The following GALNT2 variants were observed in gnomAD, a reference collection of about 807,000 sequenced individuals.
GALNT2 encodes the protein polypeptide N-acetylgalactosaminyltransferase 2.
In GALNT2, 31 loss-of-function variants were observed where a neutral mutation model predicts 81.4. The ratio of observed to expected loss-of-function variants is 0.38; its 90% CI spans 0.29 to 0.51. The LOEUF (loss-of-function observed/expected upper bound fraction) is 0.51. GALNT2 is among the 20% of genes least tolerant of loss of function. The pLI is 0.87. For synonymous variants in GALNT2, 303 were observed against 287.4 expected, an observed-to-expected ratio of 1.05 and a Z score of -0.55; for missense variants, 629 against 765.7, an observed-to-expected ratio of 0.82 and a Z score of 2.11.
At chr1:230,266,022 C>T (rs1666027673) in intron 14 of GALNT2, among the ~76,000 whole-genome samples, 1 of 152,074 alleles carries the variant, frequency 6.6e-6, no homozygotes, top group South Asian at 2.1e-4. Context: ...TGAAACCCAT[C>T]TCTGCTAAAA....
At chr1:230,258,068 C>G (rs1298524991) in intron 11 of GALNT2, among the ~76,000 whole-genome samples, 1 of 152,158 alleles carries the variant, frequency 6.6e-6, no homozygotes, top group Non-Finnish European at 1.5e-5. Context: ...GCATGTGCCA[C>G]CATGCCCGGC....
intron 2 of GALNT2, among the ~76,000 whole-genome samples, chr1:230,187,632 C>T (rs959357358): frequency 6.6e-6 from 1 of 152,196 alleles, no homozygotes; most frequent in African/African-American, 2.4e-5. Context: ...CATCCACCCT[C>T]TTGGTACCTG....
At chr1:230,086,194 G>T (rs561845497) in intron 1 of GALNT2, among the ~76,000 whole-genome samples, 9 of 152,306 alleles carry the variant, frequency 5.9e-5, no homozygotes, top group Admixed American at 4.6e-4. Context: ...CGAGTTTGTA[G>T]GTAGAGAATA....
chr1:230,194,959 G>A (rs868599914), intron 2 of GALNT2, among the ~76,000 whole-genome samples: 44 of 152,338 alleles, frequency 2.9e-4, no homozygotes, highest in African/African-American at 1.0e-3. Context: ...CCAGCTCTGC[G>A]GGGAGAAGAA....
At chr1:230,134,646 A>G (rs11122378) in intron 1 of GALNT2, among the ~76,000 whole-genome samples, 21,046 of 152,114 alleles carry the variant, frequency 0.14, 1,515 homozygotes, top group South Asian at 0.23. Flanking sequence ...GTAGTGCTCA[A>G]TATTTATAAA....
chr1:230,250,390 G>T, intron 9 of GALNT2, 67 bp from the exon 10 acceptor site: 1 of 1,186,266 alleles, frequency 8.4e-7, no homozygotes, highest in Non-Finnish European at 1.2e-6. Flanking sequence ...CTTGGCGCAA[G>T]GGTGCTGGCA....
intron 1 of GALNT2, among the ~76,000 whole-genome samples, chr1:230,092,352 A>G (rs987699377): frequency 6.6e-6 from 1 of 151,180 alleles, no homozygotes; most frequent in Non-Finnish European, 1.5e-5. Flanking sequence ...TTTTGGCTTT[A>G]TAGTAGAGGG....
At chr1:230,136,532 C>G (rs1165436222) in intron 1 of GALNT2, among the ~76,000 whole-genome samples, 1 of 152,196 alleles carries the variant, frequency 6.6e-6, no homozygotes, top group African/African-American at 2.4e-5. Flanking sequence ...CTCACTGCCC[C>G]CCATCCAGAG....
intron 1 of GALNT2, among the ~76,000 whole-genome samples, chr1:230,109,416 C>T (rs151179742): frequency 4.0e-4 from 61 of 152,290 alleles, no homozygotes; most frequent in African/African-American, 1.4e-3. Context: ...CCCTGTCACA[C>T]GAACAGGTTC....
chr1:230,277,610 C>T (rs1666334817), intron 15 of GALNT2, among the ~76,000 whole-genome samples: 1 of 152,250 alleles, frequency 6.6e-6, no homozygotes. Flanking sequence ...TCTGATTGCA[C>T]TGTCTTTCCC....
At chr1:230,197,799 G>C (rs972962865) in intron 2 of GALNT2, among the ~76,000 whole-genome samples, 1 of 151,384 alleles carries the variant, frequency 6.6e-6, no homozygotes, top group Admixed American at 6.6e-5. Flanking sequence ...TGTGTGTTCT[G>C]CTGCTCCTCT....
chr1:230,228,549 T>C (rs568805559), intron 3 of GALNT2, among the ~76,000 whole-genome samples: 26 of 151,870 alleles, frequency 1.7e-4, no homozygotes, highest in African/African-American at 6.3e-4. Context: ...GGACAATGGA[T>C]TATCTACACA....
chr1:230,212,673 C>CCGTT (rs1664269405), intron 3 of GALNT2, among the ~76,000 whole-genome samples: 1 of 152,098 alleles, frequency 6.6e-6, no homozygotes, highest in South Asian at 2.1e-4. Flanking sequence ...ACGGGTCCCC[C>CCGTT]ACCAACTCAT....
rs1230265053 is a variant in GALNT2, at chr1:230,280,985, C to T, written c.*1527C>T. ...TGCTTCCTCCTCCACTCCTGGCCGC[C>T]TTCTCCAGCGCCGCACACACAGATG... On this transcript the variant is annotated 3_prime_UTR_variant, in exon 16 of 16. Transcript: ENST00000366672. The T allele has an allele frequency of 1.3e-5, 2 of 152,458 alleles. No homozygotes were observed. The highest frequency in any genetic ancestry group is 4.8e-5 in the African/African-American group (2 of 41,446). The allele number at this position is 152,458 out of a possible 1,614,324, so 9.4% of individuals were successfully genotyped here. A position where few individuals can be genotyped will look rare whatever the true frequency, so the allele number is the denominator to read the frequency against.
chr1:230,262,518 A>G, intron 11 of GALNT2, 55 bp from the exon 12 acceptor site: 1 of 1,452,374 alleles, frequency 6.9e-7, no homozygotes, highest in Admixed American at 1.7e-5. Flanking sequence ...GTGCAAATGG[A>G]GTGATGCAGA....
At position 230,139,729 on chromosome 1, in the gene GALNT2, G is replaced by A. The variant is rs971891714; in HGVS notation, c.127-38489G>A. On this transcript the variant is annotated intron_variant, in intron 1 of 15. Coordinates refer to ENST00000366672, the MANE Select transcript of GALNT2 (RefSeq NM_004481.5). ...AGCACTGCGAGCGTAATAATTTGCC[G>A]TTGCATGGACTAAGGGGTAAGGAAG... Among the ~76,000 whole-genome samples, 11 of 152,342 alleles carry A rather than the reference G, an allele frequency of 7.2e-5. No homozygotes were observed. In the East Asian group the frequency reaches 9.6e-4, roughly 13 times the overall value.
At chr1:230,267,920 C>T (rs1250298896) in intron 14 of GALNT2, among the ~76,000 whole-genome samples, 1 of 152,210 alleles carries the variant, frequency 6.6e-6, no homozygotes, top group Non-Finnish European at 1.5e-5. Context: ...ATGGAGGGCG[C>T]CGTGCGGTGC....
At chr1:230,075,547 T>C (rs1659518346) in intron 1 of GALNT2, among the ~76,000 whole-genome samples, 1 of 152,236 alleles carries the variant, frequency 6.6e-6, no homozygotes, top group Non-Finnish European at 1.5e-5. Context: ...AAACTGGCTC[T>C]GGTTCTTTTC....
chr1:230,258,037 C>G (rs1292902361), intron 11 of GALNT2, among the ~76,000 whole-genome samples: 1 of 152,164 alleles, frequency 6.6e-6, no homozygotes, highest in Non-Finnish European at 1.5e-5. Context: ...GTCTCAGCCT[C>G]CCAAGTACCT....
Sources: gnomAD v4.1 joint callset for allele counts (sites outside exome capture counted in the v4.1 genomes callset) on GRCh38, gnomAD v4.1.1 for gene constraint, MANE v1.5 for transcripts, NCBI Gene and HGNC (gene_info 2026-07-23, HGNC 2026-07-21) for gene names.